SMOX: variants seen among roughly 807,000 people sequenced by gnomAD.
SMOX encodes spermine oxidase.
A neutral mutation model predicts 51.0 loss-of-function variants in SMOX; 22 were observed. The observed-to-expected ratio is 0.43, with a 90% CI of 0.31 to 0.62. SMOX has a LOEUF of 0.62. SMOX is among the 20% of genes least tolerant of loss of function. The pLI is 0.10. For missense variants in SMOX, 566 were observed against 777.7 expected (o/e 0.73, Z 3.24); for synonymous variants, 282 against 307.8 (o/e 0.92, Z 0.88).
intron 1 of SMOX, among the ~76,000 whole-genome samples, chr20:4,165,303 C>T (rs960792480): frequency 8.5e-5 from 13 of 152,102 alleles, no homozygotes; most frequent in African/African-American, 2.4e-4. Context: ...ATCCGCCCGC[C>T]TTGGCCTCCC....
At chr20:4,158,045 C>G (rs548319411) in intron 1 of SMOX, among the ~76,000 whole-genome samples, 1 of 150,494 alleles carries the variant, frequency 6.6e-6, no homozygotes, top group East Asian at 2.0e-4. Context: ...GGACTACAGG[C>G]GCCCGCCACC....
intron 6 of SMOX, among the ~76,000 whole-genome samples, chr20:4,185,105 C>T (rs1347260377): frequency 6.6e-6 from 1 of 152,192 alleles, no homozygotes; most frequent in Non-Finnish European, 1.5e-5. Flanking sequence ...CATGACTGCA[C>T]CTAGCTGCTA....
intron 1 of SMOX, among the ~76,000 whole-genome samples, chr20:4,164,542 A>G (rs1426247106): frequency 6.6e-6 from 1 of 152,228 alleles, no homozygotes; most frequent in Non-Finnish European, 1.5e-5. Context: ...CTGTGGTACT[A>G]TAAGGTGTTC....
chr20:4,154,614 C>T (rs1600793582), intron 1 of SMOX, among the ~76,000 whole-genome samples: 1 of 152,180 alleles, frequency 6.6e-6, no homozygotes, highest in African/African-American at 2.4e-5. Context: ...CCACCTGCCT[C>T]AGCCTCCCAA....
In SMOX at chr20:4,185,913, AC is replaced by A. The variant is rs1979691227; in HGVS notation, c.1531-1356del. 2.7e-5 allele frequency among the ~76,000 whole-genome samples: 4 copies of A among 146,426 alleles called. No individual in the cohort carries two copies. The South Asian group carries it at 8.9e-4, about 33-fold the overall frequency. On this transcript the variant is annotated intron_variant, in intron 6 of 6. Transcript: ENST00000305958. Reference sequence around the variant, plus strand: ...GTCTCAAAACAAAAACCAAAAAACAACAACCCCTGGCGCCCTAAACACACAC... The same window carrying A: ...GTCTCAAAACAAAAACCAAAAAACAAAACCCCTGGCGCCCTAAACACACAC...
chr20:4,154,027 C>T (rs1401994401), intron 1 of SMOX, among the ~76,000 whole-genome samples: 1 of 152,176 alleles, frequency 6.6e-6, no homozygotes, highest in African/African-American at 2.4e-5. Context: ...TAATGAGGTC[C>T]TCCTCCCAGA....
In SMOX at chr20:4,158,152, G is replaced by A. The variant is rs541892075; in HGVS notation, c.-27+9175G>A. On this transcript the variant is annotated intron_variant, in intron 1 of 6. Coordinates refer to ENST00000305958, the MANE Select transcript of SMOX (RefSeq NM_175839.3). ...CCTGACCTCGTGATCCGCCCGCCTTGGCCTCCCAAAGTGCTGGGATGACAG... is the reference window on the plus strand; with the variant it reads ...CCTGACCTCGTGATCCGCCCGCCTTAGCCTCCCAAAGTGCTGGGATGACAG... 2.4e-4 allele frequency among the ~76,000 whole-genome samples: 37 copies of A among 151,916 alleles called. 2 individuals carry two copies. The East Asian group carries it at 4.1e-3, about 17-fold the overall frequency.
At chr20:4,169,296 A>C (rs1986719863) in intron 1 of SMOX, among the ~76,000 whole-genome samples, 1 of 152,126 alleles carries the variant, frequency 6.6e-6, no homozygotes, top group Admixed American at 6.5e-5. Flanking sequence ...ACCACCTGTA[A>C]TAGCTCTGGC....
chr20:4,185,684 A>G (rs1979675953), intron 6 of SMOX, among the ~76,000 whole-genome samples: 2 of 107,022 alleles, frequency 1.9e-5, no homozygotes, highest in Admixed American at 2.1e-4. Flanking sequence ...AAATAAAAAG[A>G]AATGCAGATT....
At chr20:4,152,639 G>T (rs184287113) in intron 1 of SMOX, among the ~76,000 whole-genome samples, 123 of 152,254 alleles carry the variant, frequency 8.1e-4, no homozygotes, top group African/African-American at 2.8e-3. Flanking sequence ...GGGATGAGGA[G>T]GGCATCCTGG....
chr20:4,155,115 G>A (rs991413653), intron 1 of SMOX, among the ~76,000 whole-genome samples: 1 of 152,138 alleles, frequency 6.6e-6, no homozygotes, highest in Non-Finnish European at 1.5e-5. Flanking sequence ...GTCCACAGCC[G>A]AGCCTGGCAC....
intron 1 of SMOX, among the ~76,000 whole-genome samples, chr20:4,150,839 T>TC (rs1985707900): frequency 7.7e-6 from 1 of 129,656 alleles, no homozygotes; most frequent in Non-Finnish European, 1.5e-5. Flanking sequence ...TTTTTTTTTT[T>TC]TTTTTCTTTG....
intron 6 of SMOX, among the ~76,000 whole-genome samples, chr20:4,184,102 C>T (rs945121070): frequency 6.6e-6 from 1 of 151,862 alleles, no homozygotes; most frequent in Non-Finnish European, 1.5e-5. Flanking sequence ...ACCTCAGCCT[C>T]CCAACTAGCT....
chr20:4,175,137 G>C lies in SMOX; in HGVS notation c.82G>C (p.Val28Leu), dbSNP rs777240060. Residue 28 changes from valine to leucine, a missense_variant, in exon 2 of 7, where the codon GTG (valine) becomes CTG (leucine). Physicochemically the swap from Val to Leu is conservative, Grantham distance 32 (BLOSUM62 1). Coordinates refer to ENST00000305958, the MANE Select transcript of SMOX (RefSeq NM_175839.3). ...ACGGAGAAGGGGACAGCCTCGTGTGGTGGTGATCGGCGCCGGCTTGGCTGG... is the reference window on the plus strand; with the variant it reads ...ACGGAGAAGGGGACAGCCTCGTGTGCTGGTGATCGGCGCCGGCTTGGCTGG... The part of the protein sequence containing the change: ...GLRRRGQPRV[V>L]VIGAGLAGLA... The C allele has an allele frequency of 6.2e-7, 1 of 1,614,246 alleles. No homozygotes were observed. Among genetic ancestry groups the C allele is most frequent in the Non-Finnish European group, 8.5e-7 (1 of 1,180,054 alleles).
intron 6 of SMOX, among the ~76,000 whole-genome samples, chr20:4,185,413 C>T (rs562205887): frequency 1.3e-5 from 2 of 152,238 alleles, no homozygotes; most frequent in South Asian, 4.2e-4. Context: ...TGCAGATTCT[C>T]AGCCTGGCCA....
chr20:4,175,192 A>G lies in SMOX; in HGVS notation c.137A>G (p.Gln46Arg). Residue 46 changes from glutamine to arginine, a missense_variant, in exon 2 of 7, where the codon CAG becomes CGG. By Grantham distance (43) the Gln-to-Arg change is conservative. Transcript: ENST00000305958. Reference sequence around the variant, plus strand: ...GCTGCAGCCAAAGCACTTCTTGAGCAGGGTTTCACGGATGTCACTGTGCTT... The same window carrying G: ...GCTGCAGCCAAAGCACTTCTTGAGCGGGGTTTCACGGATGTCACTGTGCTT... The part of the protein sequence containing the change: ...GLAAAKALLE[Q>R]GFTDVTVLEA... 6.2e-7 allele frequency: 1 copy of G among 1,614,202 alleles called. No individual in the cohort carries two copies.
rs570003746 is a variant in SMOX, at chr20:4,152,786, C to T, written c.-27+3809C>T. ...ACAGCTCTATAAGGTAGGTCTTATT[C>T]CCATTTTACAGCTGGGAAGACTGAG... On this transcript the variant is annotated intron_variant, in intron 1 of 6. Coordinates refer to ENST00000305958, the MANE Select transcript of SMOX (RefSeq NM_175839.3). Among the ~76,000 whole-genome samples the T allele has an allele frequency of 9.2e-5, 14 of 152,338 alleles. No homozygotes were observed. In the South Asian group the frequency reaches 1.2e-3, roughly 14 times the overall value.
At chr20:4,150,997 A>T (rs1370819197) in intron 1 of SMOX, among the ~76,000 whole-genome samples, 4 of 151,846 alleles carry the variant, frequency 2.6e-5, no homozygotes, top group African/African-American at 9.7e-5. Context: ...ACGCCCGGCT[A>T]ATTTTTGTAT....
Position 4,182,133 on chromosome 20 carries a change from C to T in SMOX, c.654C>T (p.Ser218=), listed in dbSNP as rs781264074. The T allele has an allele frequency of 1.6e-5, 25 of 1,608,672 alleles. No individual in the cohort carries two copies. The Admixed American group carries it at 1.7e-4, about 11-fold the overall frequency. Residue 218 remains serine (S), a synonymous_variant, in exon 5 of 7, where the codon TCC becomes TCT. Coordinates refer to ENST00000305958, the MANE Select transcript of SMOX (RefSeq NM_175839.3). The surrounding 1 kb of genome is among the most constrained non-coding windows in gnomAD (Gnocchi z 8.4). ...ESSSHSMDEV[S]LSAFGEWTEI... is the part of the protein sequence containing the mutation. ...GCTCACACAGCATGGACGAGGTGTC[C>T]CTGAGCGCCTTCGGGGAGTGGACCG... is the stretch of plus-strand genomic sequence containing the variant.
Sources: allele counts gnomAD v4.1 joint callset (sites outside exome capture counted in the v4.1 genomes callset), GRCh38; gene constraint gnomAD v4.1.1; non-coding constraint Gnocchi (gnomAD v3.1); transcripts MANE v1.5; gene names NCBI Gene and HGNC (gene_info 2026-07-23, HGNC 2026-07-21).